ABCC6: variants seen among roughly 807,000 people sequenced by gnomAD.
The protein encoded by ABCC6 is ATP binding cassette subfamily C member 6, also known as ATP-binding cassette sub-family C member 6.
In ABCC6, 126 loss-of-function variants were observed where a neutral mutation model predicts 169.5. That is an observed-to-expected ratio of 0.74 (90% CI 0.64 to 0.86). ABCC6 has a LOEUF of 0.86. Ranked by LOEUF, ABCC6 falls within the 40% of genes least tolerant of loss-of-function variation. The pLI, the probability that ABCC6 is intolerant of heterozygous loss-of-function variation, is 0.00. For missense variants in ABCC6, 1,733 were observed against 1,927.2 expected (o/e 0.90, Z 1.89); for synonymous variants, 752 against 814.7 (o/e 0.92, Z 1.31).
At chr16:16,165,537 C>A in intron 23 of ABCC6, 86 bp downstream of exon 23, 1 of 1,472,296 alleles carries the variant, frequency 6.8e-7, no homozygotes, top group African/African-American at 1.4e-5. Flanking sequence ...CTGGGTGAAA[C>A]CTCATATATG....
chr16:16,149,971 CTG>C lies in ABCC6; in HGVS notation c.*160_*161del. On this transcript the variant is annotated 3_prime_UTR_variant, in exon 31 of 31. Transcript: ENST00000205557. Reference sequence around the variant, plus strand: ...GCTAGGTCCTTCCGGCTCTGATGCTCTGTGATAATTGGCCACTTTCTCTGCCA... The same window carrying C: ...GCTAGGTCCTTCCGGCTCTGATGCTCTGATAATTGGCCACTTTCTCTGCCA... 3.6e-6 allele frequency: 4 copies of C among 1,103,702 alleles called. No individual in the cohort carries two copies. The highest frequency in any genetic ancestry group is 4.0e-6 in the Non-Finnish European group (3 of 748,636). 68.4% of individuals were successfully genotyped at this position (1,103,702 alleles called of 1,614,324 possible).
intron 15 of ABCC6, among the ~76,000 whole-genome samples, chr16:16,184,679 G>T (rs1379398648): frequency 6.6e-6 from 1 of 152,110 alleles, no homozygotes; most frequent in African/African-American, 2.4e-5. Flanking sequence ...GCATCGTCTT[G>T]GCCAGCCTGG....
intron 9 of ABCC6, 61 bp downstream of exon 9, chr16:16,201,940 C>T (rs1246216269): frequency 6.2e-7 from 1 of 1,602,934 alleles, no homozygotes; most frequent in Non-Finnish European, 8.5e-7. Flanking sequence ...AACATTACTG[C>T]CCGCTCAGTG....
chr16:16,177,749 CCTGG>C, intron 18 of ABCC6, 123 bp from the exon 19 acceptor site: 1 of 1,205,960 alleles, frequency 8.3e-7, no homozygotes, highest in Non-Finnish European at 1.2e-6. Flanking sequence ...TCGAGACCAG[CCTGG>C]CTGACACGGC....
At position 16,185,039 on chromosome 16, in the gene ABCC6, A is replaced by C. The variant is rs72664207; in HGVS notation, c.1868-5T>G. ...TGATGCAATCCTTCCCGGCAGCTGCAGGGCACAAGAGGCCATTTACAGGAG... is the reference window on the plus strand; with the variant it reads ...TGATGCAATCCTTCCCGGCAGCTGCCGGGCACAAGAGGCCATTTACAGGAG... On this transcript the variant is annotated splice_region_variant and splice_polypyrimidine_tract_variant and intron_variant, in intron 14 of 30. Transcript: ENST00000205557. 36 of 1,612,444 alleles carry C rather than the reference A, an allele frequency of 2.2e-5. No individual in the cohort carries two copies. The highest frequency in any genetic ancestry group is 6.7e-5 in the Admixed American group (4 of 59,998).
intron 21 of ABCC6, chr16:16,172,983 A>C (rs2856587): frequency 0.44 from 191,734 of 432,028 alleles, 44,632 homozygotes; most frequent in South Asian, 0.67. Flanking sequence ...TCGAGGCTGC[A>C]GTGAGCTATG....
chr16:16,198,271 C>T (rs12935089), intron 9 of ABCC6, 89 bp from the exon 10 acceptor site: 584,818 of 1,421,790 alleles, frequency 0.41, 122,940 homozygotes, highest in Admixed American at 0.45. Context: ...TGAGCCCCAC[C>T]TCACACGTCT....
chr16:16,155,258 TC>T, intron 27 of ABCC6: 1 of 603,420 alleles, frequency 1.7e-6, no homozygotes, highest in South Asian at 2.1e-5. Context: ...GATATCTCTC[TC>T]CCATCTTTCT....
chr16:16,165,876 C>T lies in ABCC6; in HGVS notation c.3053G>A (p.Arg1018Lys), dbSNP rs908776022. The T allele has an allele frequency of 6.2e-7, 1 of 1,613,230 alleles. No individual in the cohort carries two copies. The highest frequency in any genetic ancestry group is 8.5e-7 in the Non-Finnish European group (1 of 1,180,012). ...AVLLGGARASRLLFQRLLWDV... is the reference protein window; with the variant it reads ...AVLLGGARASKLLFQRLLWDV... Reference sequence around the variant, plus strand: ...CCACAGGAGCCTCTGGAAGAGCAACCTGGATGCCCGGGCCCCACCTAGGAG... The same window carrying T: ...CCACAGGAGCCTCTGGAAGAGCAACTTGGATGCCCGGGCCCCACCTAGGAG... The change falls in exon 23 of 31, where the codon AGG (arginine) becomes AAG (lysine). Residue 1018 changes from arginine to lysine, a missense_variant. By Grantham distance (26) the Arg-to-Lys change is conservative (BLOSUM62 2). Transcript: ENST00000205557.
In ABCC6 at chr16:16,184,482, C is replaced by G. The variant is rs146255310; in HGVS notation, c.1943+477G>C. ...GAGTGAATGACAACCAATACAAATA[C>G]TACCTGGGGCATATTCCTTCTCTTC... is the stretch of plus-strand genomic sequence containing the variant. On this transcript the variant is annotated intron_variant, in intron 15 of 30. Coordinates refer to ENST00000205557, the MANE Select transcript of ABCC6 (RefSeq NM_001171.6). Among the ~76,000 whole-genome samples the G allele has an allele frequency of 6.8e-3, 1,041 of 152,236 alleles. 16 individuals are homozygous for G. The highest frequency in any genetic ancestry group is 0.023 in the African/African-American group (973 of 41,540).
intron 25 of ABCC6, 61 bp from the exon 26 acceptor site, chr16:16,159,644 C>T: frequency 6.6e-7 from 1 of 1,511,982 alleles, no homozygotes; most frequent in Non-Finnish European, 9.1e-7. Context: ...TTGCAACAGC[C>T]CCCCTGGTTT....
intron 17 of ABCC6, among the ~76,000 whole-genome samples, chr16:16,179,703 G>T (rs2047406882): frequency 6.6e-6 from 1 of 152,118 alleles, no homozygotes; most frequent in Non-Finnish European, 1.5e-5. Flanking sequence ...CAATTCTCCT[G>T]CCTCAGCCTC....
At chr16:16,163,310 T>C in intron 23 of ABCC6, 118 bp from the exon 24 acceptor site, 1 of 945,180 alleles carries the variant, frequency 1.1e-6, no homozygotes. Flanking sequence ...AACAGCTTAC[T>C]GTGTGACCTT....
intron 5 of ABCC6, among the ~76,000 whole-genome samples, chr16:16,213,716 A>G (rs1407571202): frequency 1.3e-5 from 2 of 149,532 alleles, no homozygotes; most frequent in Non-Finnish European, 3.0e-5. Context: ...GTGCACCACC[A>G]TGCCTGGCTA....
intron 1 of ABCC6, chr16:16,222,880 C>T: frequency 5.9e-6 from 1 of 170,252 alleles, no homozygotes; most frequent in Non-Finnish European, 1.3e-5. Flanking sequence ...GAGACTCTAC[C>T]TCTATGAGTT....
In ABCC6 at chr16:16,159,584, C is replaced by T; in HGVS notation, c.3634-1G>A. ...CAACCCACTGCAGTGTCTGGGTCAC[C>T]TGGTGCAAGAAAGCCTCTCTGGCTG... On this transcript the variant is annotated splice_acceptor_variant, in intron 25 of 30. Transcript: ENST00000205557. LOFTEE classifies it high-confidence loss of function. The T allele has an allele frequency of 6.2e-7, 1 of 1,614,100 alleles. No individual in the cohort carries two copies. The highest frequency in any genetic ancestry group is 1.3e-5 in the African/African-American group (1 of 75,054).
At chr16:16,192,714 G>C in intron 11 of ABCC6, 116 bp downstream of exon 11, 1 of 969,144 alleles carries the variant, frequency 1.0e-6, no homozygotes, top group Non-Finnish European at 1.6e-6. Context: ...CAGACGACAA[G>C]AACAAAGCCA....
chr16:16,207,554 T>G (rs1323722940), intron 7 of ABCC6, among the ~76,000 whole-genome samples: 1 of 151,874 alleles, frequency 6.6e-6, no homozygotes, highest in Admixed American at 6.6e-5. Context: ...AGTATCAGTC[T>G]CTGTCTCCTC....
Position 16,169,780 on chromosome 16 carries a change from A to G in ABCC6, c.2861T>C (p.Phe954Ser), listed in dbSNP as rs1440567256. Residue 954 changes from phenylalanine to serine, a missense_variant, in exon 22 of 31, where the codon TTC becomes TCC. Physicochemically the swap from Phe to Ser is radical, Grantham distance 155 (BLOSUM62 -2). Coordinates refer to ENST00000205557, the MANE Select transcript of ABCC6 (RefSeq NM_001171.6). The stretch of plus-strand genomic sequence containing the variant: ...GAAGGAGGCCACTTGCTGGCAGAGG[A>G]AGAGGAAGAGTGCGTAGAGGCAGAG... ...TPLCLYALFL[F>S]LCQQVASFCR... The G allele has an allele frequency of 8.8e-6, 14 of 1,589,438 alleles. No individual in the cohort carries two copies. Among genetic ancestry groups the G allele is most frequent in the Non-Finnish European group, 1.2e-5 (14 of 1,168,522 alleles).
Sources: gnomAD v4.1 joint callset for allele counts (sites outside exome capture counted in the v4.1 genomes callset) on GRCh38, gnomAD v4.1.1 for gene constraint, MANE v1.5 for transcripts, NCBI Gene and HGNC (gene_info 2026-07-23, HGNC 2026-07-21) for gene names.